Variants in PDXDC1 observed in about 807,000 individuals in gnomAD.
PDXDC1 encodes pyridoxal dependent decarboxylase domain containing 1, also known as pyridoxal-dependent decarboxylase domain-containing protein 1.
PDXDC1 carries 42 observed loss-of-function variants against 100.1 expected under a neutral mutation model. The observed-to-expected ratio is 0.42, with a 90% confidence interval of 0.33 to 0.54. The LOEUF (loss-of-function observed/expected upper bound fraction) is 0.54, where lower values mean the gene tolerates loss of function less well. Among genes scored for constraint, PDXDC1 ranks in the 20% least tolerant of loss-of-function variants. PDXDC1 has a pLI of 0.10. For synonymous variants in PDXDC1, 260 were observed against 371.7 expected (o/e 0.70, Z 3.46); for missense variants, 636 against 979.2 (o/e 0.65, Z 4.68).
chr16:15,061,839 C>A lies in PDXDC1; in HGVS notation c.1399+31783C>A, dbSNP rs768293049. The A allele has an allele frequency of 1.9e-6, 3 of 1,613,980 alleles. No individual in the cohort carries two copies. The African/African-American group carries it at 4.0e-5, about 22-fold the overall frequency. ...GTGTCAAAGGAGCTTGGTGTGATCC[C>A]AATCACGGTATCATTCTGGGGCACT... is the stretch of plus-strand genomic sequence containing the variant. On this transcript the variant is annotated intron_variant, in intron 16 of 16. Coordinates refer to the PDXDC1 transcript ENST00000535621.
At chr16:15,148,129 C>T in the PDXDC1 span, among the ~76,000 whole-genome samples, 1 of 151,616 alleles carries the variant, frequency 6.6e-6, no homozygotes, top group Non-Finnish European at 1.5e-5. Context: ...GCTGGGACTA[C>T]AGGCGCCACC....
the PDXDC1 span, among the ~76,000 whole-genome samples, chr16:15,144,888 C>T: frequency 1.4e-4 from 21 of 152,304 alleles, no homozygotes; most frequent in African/African-American, 4.6e-4. Context: ...CGTATGCCAC[C>T]TGCCGCTGGG....
intron 16 of PDXDC1, among the ~76,000 whole-genome samples, chr16:15,090,495 A>G (rs2046088031): frequency 1.3e-5 from 2 of 152,206 alleles, no homozygotes; most frequent in Admixed American, 1.3e-4. Context: ...GCTTTTTAGA[A>G]GGCTGAAGAG....
At chr16:14,988,059 T>C (rs1405143008) in intron 1 of PDXDC1, among the ~76,000 whole-genome samples, 4 of 151,754 alleles carry the variant, frequency 2.6e-5, no homozygotes, top group Non-Finnish European at 4.4e-5. Flanking sequence ...AAAGGTCCAC[T>C]GGCCCCTTCC....
At chr16:15,097,468 C>CAAAAAA (rs71152407) in intron 16 of PDXDC1, among the ~76,000 whole-genome samples, 4 of 65,848 alleles carry the variant, frequency 6.1e-5, no homozygotes, top group Non-Finnish European at 7.9e-5. Flanking sequence ...ACTAAAAATA[C>CAAAAAA]AAAAAAAAAA....
chr16:15,122,924 G>A (rs1458519493), intron 16 of PDXDC1, among the ~76,000 whole-genome samples: 3 of 149,608 alleles, frequency 2.0e-5, no homozygotes, highest in African/African-American at 7.4e-5. Flanking sequence ...AGGAGGAGGA[G>A]GAGAAGAAGA....
At chr16:15,125,642 A>AGGC in intron 16 of PDXDC1, 1 of 1,227,732 alleles carries the variant, frequency 8.1e-7, no homozygotes, top group Non-Finnish European at 1.2e-6. Context: ...AGCTGCGCCA[A>AGGC]GGCGGCAGGA....
chr16:15,038,168 C>G lies in PDXDC1; in HGVS notation c.*1893C>G, dbSNP rs372707322. The G allele has an allele frequency of 3.5e-5, 57 of 1,613,448 alleles. No individual in the cohort carries two copies. Among genetic ancestry groups the G allele is most frequent in the Non-Finnish European group, 4.7e-5 (56 of 1,179,736 alleles). ...AACATCAAGGTAGATCTAATATGTT[C>G]AACAAAGTGGGGTGGCTCAGCCAGA... On this transcript the variant is annotated 3_prime_UTR_variant, in exon 23 of 23. Coordinates refer to ENST00000396410, the MANE Select transcript of PDXDC1 (RefSeq NM_015027.4).
chr16:15,001,013 CT>C (rs1973029936), intron 3 of PDXDC1, among the ~76,000 whole-genome samples: 1 of 151,776 alleles, frequency 6.6e-6, no homozygotes, highest in Non-Finnish European at 1.5e-5. Flanking sequence ...TAAATATTCT[CT>C]GTCTTGTACT....
At chr16:15,100,301 T>C (rs1293290958) in intron 16 of PDXDC1, among the ~76,000 whole-genome samples, 1 of 152,230 alleles carries the variant, frequency 6.6e-6, no homozygotes, top group Non-Finnish European at 1.5e-5. Context: ...CAATTATCTT[T>C]ATAAAAACTA....
intron 16 of PDXDC1, chr16:15,083,890 A>G: frequency 3.5e-6 from 1 of 287,970 alleles, no homozygotes; most frequent in Non-Finnish European, 6.7e-6. Flanking sequence ...CTAATTTTGT[A>G]TTTTTAGTAG....
chr16:15,075,975 G>C (rs1175323532), intron 16 of PDXDC1, among the ~76,000 whole-genome samples: 2 of 152,104 alleles, frequency 1.3e-5, no homozygotes. Context: ...GATTGACAAG[G>C]CATCAGAAAA....
intron 1 of PDXDC1, among the ~76,000 whole-genome samples, chr16:14,995,063 A>G (rs1303617620): frequency 1.3e-5 from 2 of 152,294 alleles, no homozygotes; most frequent in Non-Finnish European, 2.9e-5. Context: ...GGTTTTCTAG[A>G]TATACAATCA....
the PDXDC1 span, among the ~76,000 whole-genome samples, chr16:15,150,359 A>G: frequency 5.4e-5 from 8 of 148,824 alleles, no homozygotes; most frequent in East Asian, 1.6e-3. Flanking sequence ...ATAAATAAAT[A>G]AATAAATAAA....
chr16:15,099,475 A>T (rs1489017850), intron 16 of PDXDC1, among the ~76,000 whole-genome samples: 2 of 151,650 alleles, frequency 1.3e-5, no homozygotes, highest in African/African-American at 4.8e-5. Context: ...AACTAAATGC[A>T]TAATTTCTGT....
At chr16:14,999,392 T>A (rs1268540672) in intron 3 of PDXDC1, among the ~76,000 whole-genome samples, 2 of 151,636 alleles carry the variant, frequency 1.3e-5, no homozygotes, top group Admixed American at 1.3e-4. Context: ...AACCAACAAT[T>A]TAATACAACC....
intron 3 of PDXDC1, among the ~76,000 whole-genome samples, chr16:14,999,634 GT>G (rs1972731613): frequency 6.6e-6 from 1 of 152,222 alleles, no homozygotes; most frequent in South Asian, 2.1e-4. Flanking sequence ...GGTAGACTGA[GT>G]TTTATTCTAA....
At chr16:15,052,299 T>C (rs1433879440) in intron 16 of PDXDC1, among the ~76,000 whole-genome samples, 2 of 152,200 alleles carry the variant, frequency 1.3e-5, no homozygotes, top group African/African-American at 4.8e-5. Flanking sequence ...TACAAAATAT[T>C]ATTTTGATTT....
Position 15,001,775 on chromosome 16 carries a change from G to T in PDXDC1, c.162-1G>T. The T allele has an allele frequency of 6.2e-7, 1 of 1,610,002 alleles. No homozygotes were observed. The highest frequency in any genetic ancestry group is 8.5e-7 in the Non-Finnish European group (1 of 1,179,314). Reference sequence around the variant, plus strand: ...GCCCATCAACTCTTTTTATTCTGCAGTGGGCAAGATATGGTGAGCATCCTC... The same window carrying T: ...GCCCATCAACTCTTTTTATTCTGCATTGGGCAAGATATGGTGAGCATCCTC... On this transcript the variant is annotated splice_acceptor_variant, in intron 3 of 22. Coordinates refer to ENST00000396410, the MANE Select transcript of PDXDC1 (RefSeq NM_015027.4). LOFTEE classifies it high-confidence loss of function.
Sources: allele counts gnomAD v4.1 joint callset (sites outside exome capture counted in the v4.1 genomes callset), GRCh38; gene constraint gnomAD v4.1.1; transcripts MANE v1.5; gene names NCBI Gene and HGNC (gene_info 2026-07-23, HGNC 2026-07-21).